SMIM35: variants seen among roughly 807,000 people sequenced by gnomAD.
SMIM35 encodes small integral membrane protein 35.
chr11:118,006,396 G>A lies in SMIM35; in HGVS notation c.*34-20C>T, dbSNP rs1038135422. The stretch of plus-strand genomic sequence containing the variant: ...TCTCATCTGTGAAATGGACACAGTA[G>A]TCTTCAAGTTGACTTCTTTAATTAG... On this transcript the variant is annotated intron_variant, in intron 4 of 4. Coordinates refer to ENST00000689828, the MANE Select transcript of SMIM35 (RefSeq NM_001394165.1). 6.6e-6 allele frequency: 1 copy of A among 152,220 alleles called. No individual in the cohort carries two copies. Among genetic ancestry groups the A allele is most frequent in the African/African-American group, 2.4e-5 (1 of 41,440 alleles). The allele number at this position is 152,220 out of a possible 1,614,324, so 9.4% of individuals were successfully genotyped here. A position where few individuals can be genotyped will look rare whatever the true frequency, so the allele number is the denominator to read the frequency against.
At chr11:118,024,714 C>T (rs2135042798) in intron 1 of SMIM35, among the ~76,000 whole-genome samples, 1 of 152,284 alleles carries the variant, frequency 6.6e-6, no homozygotes, top group South Asian at 2.1e-4. Flanking sequence ...CTCAGGTGAT[C>T]TGCCCACCTC....
At chr11:118,031,628 CATTA>C (rs959143016) in intron 1 of SMIM35, among the ~76,000 whole-genome samples, 9 of 151,958 alleles carry the variant, frequency 5.9e-5, no homozygotes, top group Admixed American at 6.6e-5. Flanking sequence ...GTCCAAAAGA[CATTA>C]ATTAATTAAT....
At chr11:118,079,204 C>A (rs893404827) in intron 1 of SMIM35, among the ~76,000 whole-genome samples, 1 of 152,116 alleles carries the variant, frequency 6.6e-6, no homozygotes, top group Non-Finnish European at 1.5e-5. Context: ...GCTGAATAAC[C>A]CTGTCATTAA....
intron 1 of SMIM35, chr11:118,029,058 T>C (rs1018126463): frequency 1.2e-5 from 4 of 325,134 alleles, no homozygotes; most frequent in Middle Eastern, 4.9e-4. Context: ...AAATAGAATG[T>C]CTGCACTGAG....
At chr11:118,061,554 C>T (rs1224294185) in intron 1 of SMIM35, among the ~76,000 whole-genome samples, 2 of 151,884 alleles carry the variant, frequency 1.3e-5, no homozygotes, top group East Asian at 1.9e-4. Flanking sequence ...CGAACACCGT[C>T]GGATCAAAGG....
rs2058335796 is a variant in SMIM35, at chr11:118,033,556, T to C, written c.8-17747A>G. 2.0e-5 allele frequency among the ~76,000 whole-genome samples: 3 copies of C among 152,152 alleles called. No individual in the cohort carries two copies. In the South Asian group the frequency reaches 6.2e-4, roughly 32 times the overall value. On this transcript the variant is annotated intron_variant, in intron 1 of 4. Transcript: ENST00000689828. ...TGTTGTTGCTTTGGCTTCCAGAAAA[T>C]GTCCCTGTAAAATCAAGAAAGTTTA...
intron 1 of SMIM35, chr11:118,025,679 A>T: frequency 2.2e-6 from 1 of 448,522 alleles, no homozygotes; most frequent in South Asian, 1.6e-5. Flanking sequence ...TTCCTTATAG[A>T]TTCTAGATAT....
chr11:118,064,573 C>T (rs772145537), intron 1 of SMIM35, among the ~76,000 whole-genome samples: 3 of 152,174 alleles, frequency 2.0e-5, no homozygotes, highest in Non-Finnish European at 4.4e-5. Flanking sequence ...CATGTGCCAT[C>T]GTGCCTGGCT....
chr11:118,035,495 C>T (rs139285097), intron 1 of SMIM35, among the ~76,000 whole-genome samples: 270 of 152,274 alleles, frequency 1.8e-3, no homozygotes, highest in African/African-American at 5.9e-3. Context: ...CCCTAATAAT[C>T]GGTTGCTCAA....
intron 1 of SMIM35, chr11:118,067,299 T>G (rs577457646): frequency 1.3e-5 from 2 of 152,134 alleles, no homozygotes; most frequent in East Asian, 3.9e-4. Flanking sequence ...AGGAAGATCA[T>G]TTGAGTCCTC....
rs558314621 is a variant in SMIM35 at position 118,068,320 on chromosome 11, T to C, written c.7+18431A>G. Among the ~76,000 whole-genome samples, 44 of 152,136 alleles carry C rather than the reference T, an allele frequency of 2.9e-4. 1 individual carries two copies. The South Asian group carries it at 9.1e-3, about 32-fold the overall frequency. On this transcript the variant is annotated intron_variant, in intron 1 of 4. Transcript: ENST00000689828. ...CCGTAAGCTCAATCCAAATGCTCCC[T>C]CCTCGGGGAGGGAGCCCTCCGGCTC...
chr11:118,071,128 G>A (rs1234789019), intron 1 of SMIM35, among the ~76,000 whole-genome samples: 1 of 152,204 alleles, frequency 6.6e-6, no homozygotes, highest in Non-Finnish European at 1.5e-5. Context: ...TGGCTTATTT[G>A]AAGAAAATGC....
intron 1 of SMIM35, among the ~76,000 whole-genome samples, chr11:118,041,565 A>T (rs1944001220): frequency 6.6e-6 from 1 of 152,218 alleles, no homozygotes; most frequent in Non-Finnish European, 1.5e-5. Flanking sequence ...CCTATAACCA[A>T]TGGATCAAGG....
intron 1 of SMIM35, among the ~76,000 whole-genome samples, chr11:118,056,030 G>A (rs1271396748): frequency 6.6e-6 from 1 of 152,034 alleles, no homozygotes; most frequent in Admixed American, 6.5e-5. Context: ...AGGAAGAAGA[G>A]GCTCTAGGCT....
intron 1 of SMIM35, among the ~76,000 whole-genome samples, chr11:118,046,688 T>C (rs1229906329): frequency 3.3e-5 from 5 of 152,186 alleles, no homozygotes; most frequent in Non-Finnish European, 7.3e-5. Context: ...TCCAGACCTA[T>C]CCAAGGAAAC....
At chr11:118,020,744 A>T (rs2058221403) in intron 1 of SMIM35, among the ~76,000 whole-genome samples, 1 of 152,006 alleles carries the variant, frequency 6.6e-6, no homozygotes, top group African/African-American at 2.4e-5. Context: ...TTGGATATGT[A>T]GACTATTATA....
Position 118,013,599 on chromosome 11 carries a change from C to T in SMIM35, c.*33+149G>A, listed in dbSNP as rs189637971. 48 of 385,384 alleles carry T rather than the reference C, an allele frequency of 1.2e-4. No homozygotes were observed. In the East Asian group the frequency reaches 1.7e-3, roughly 13 times the overall value. The allele number at this position is 385,384 out of a possible 1,614,324, so 23.9% of individuals were successfully genotyped here. A position where few individuals can be genotyped will look rare whatever the true frequency, so the allele number is the denominator to read the frequency against. ...CGGGTGGGGGAAAACATGACCCAAG[C>T]CTGAGATCGGCACCAGAAGACAGGG... On this transcript the variant is annotated intron_variant, in intron 4 of 4. Coordinates refer to ENST00000689828, the MANE Select transcript of SMIM35 (RefSeq NM_001394165.1).
At chr11:118,019,535 T>G (rs2058208769) in intron 1 of SMIM35, among the ~76,000 whole-genome samples, 1 of 152,152 alleles carries the variant, frequency 6.6e-6, no homozygotes, top group Non-Finnish European at 1.5e-5. Context: ...TGCAAAGGGG[T>G]CCCCCAAAGT....
intron 3 of SMIM35, 69 bp downstream of exon 3, chr11:118,014,639 T>C: frequency 5.0e-6 from 2 of 398,748 alleles, no homozygotes; most frequent in Non-Finnish European, 4.4e-6. Context: ...TTAATCTATC[T>C]TTGATTCTTT....
Sources: gnomAD v4.1 joint callset for allele counts (sites outside exome capture counted in the v4.1 genomes callset) on GRCh38, gnomAD v4.1.1 for gene constraint, MANE v1.5 for transcripts, NCBI Gene and HGNC (gene_info 2026-07-23, HGNC 2026-07-21) for gene names.